GALNTL5: variants seen among roughly 807,000 people sequenced by gnomAD.
GALNTL5 encodes inactive polypeptide N-acetylgalactosaminyltransferase-like protein 5.
Under a neutral mutation model 51.0 loss-of-function variants are expected in GALNTL5, and 44 were observed. The ratio of observed to expected loss-of-function variants is 0.86; its 90% CI spans 0.68 to 1.11. The LOEUF is 1.11. GALNTL5 is among the 50% of genes least tolerant of loss of function. The pLI, the probability that GALNTL5 is intolerant of heterozygous loss-of-function variation, is 0.00. For missense variants in GALNTL5, 528 were observed against 531.8 expected (o/e 0.99, Z 0.07); for synonymous variants, 192 against 182.8 (o/e 1.05, Z -0.41).
intron 4 of GALNTL5, among the ~76,000 whole-genome samples, chr7:151,985,241 C>A (rs1453206442): frequency 3.3e-5 from 5 of 152,174 alleles, no homozygotes; most frequent in Non-Finnish European, 7.3e-5. Flanking sequence ...GCCGTAAGAT[C>A]TGTCAACGTT....
chr7:151,991,598 A>C (rs1159508180), intron 5 of GALNTL5, among the ~76,000 whole-genome samples: 4 of 152,152 alleles, frequency 2.6e-5, no homozygotes, highest in Non-Finnish European at 5.9e-5. Context: ...TTATCATTTT[A>C]TCAAATGTCT....
rs5888458 is a variant in GALNTL5, at chr7:151,962,004, C to CTTTT, written c.-39-5191_-39-5188dup. Among the ~76,000 whole-genome samples, 1,009 of 131,734 alleles carry CTTTT rather than the reference C, an allele frequency of 7.7e-3. 13 individuals are homozygous for CTTTT. Among genetic ancestry groups the CTTTT allele is most frequent in the African/African-American group, 0.026 (934 of 35,334 alleles). 86.4% of individuals were successfully genotyped at this position (131,734 alleles called of 152,430 possible). On this transcript the variant is annotated intron_variant, in intron 1 of 8. Coordinates refer to ENST00000392800, the MANE Select transcript of GALNTL5 (RefSeq NM_145292.4). Reference sequence around the variant, plus strand: ...ATCTGTTTCTTATGATAGTTACCTTCTTTTTTTTTTTTTTTTAATGGAGTC... The same window carrying CTTTT: ...ATCTGTTTCTTATGATAGTTACCTTCTTTTTTTTTTTTTTTTTTTTAATGGAGTC...
chr7:152,006,354 A>G (rs969549722), intron 6 of GALNTL5, among the ~76,000 whole-genome samples: 1 of 152,230 alleles, frequency 6.6e-6, no homozygotes, highest in Non-Finnish European at 1.5e-5. Context: ...TTTAATACGA[A>G]AGAGAGAAAA....
chr7:152,005,604 A>C (rs530632818), intron 6 of GALNTL5, among the ~76,000 whole-genome samples: 1 of 152,250 alleles, frequency 6.6e-6, no homozygotes, highest in South Asian at 2.1e-4. Flanking sequence ...GTCCCTTATG[A>C]GATGGATGGG....
chr7:151,972,105 G>A (rs960935860), intron 3 of GALNTL5, among the ~76,000 whole-genome samples: 6 of 152,200 alleles, frequency 3.9e-5, no homozygotes, highest in Admixed American at 3.3e-4. Context: ...GAATAGTTTG[G>A]AGGTCTCAGA....
chr7:152,009,548 G>C (rs1271993812), intron 7 of GALNTL5, among the ~76,000 whole-genome samples: 1 of 152,198 alleles, frequency 6.6e-6, no homozygotes, highest in Non-Finnish European at 1.5e-5. Flanking sequence ...ATCCTTGTCA[G>C]ACTTTGCTTC....
At chr7:151,982,268 G>T (rs2081302061) in intron 3 of GALNTL5, among the ~76,000 whole-genome samples, 2 of 151,974 alleles carry the variant, frequency 1.3e-5, no homozygotes, top group African/African-American at 4.8e-5. Context: ...TAAAAAATTA[G>T]CCAGGCATGG....
chr7:151,965,805 T>C (rs1291701401), intron 1 of GALNTL5, among the ~76,000 whole-genome samples: 1 of 152,116 alleles, frequency 6.6e-6, no homozygotes, highest in Non-Finnish European at 1.5e-5. Context: ...GAAGATCACT[T>C]GAGCCCAGAA....
In GALNTL5 at chr7:151,979,900, T is replaced by A. The variant is rs150246817; in HGVS notation, c.369-3086T>A. Among the ~76,000 whole-genome samples, 403 of 152,288 alleles carry A rather than the reference T, an allele frequency of 2.6e-3. 3 individuals are homozygous for A. Among genetic ancestry groups the A allele is most frequent in the African/African-American group, 9.1e-3 (380 of 41,562 alleles). On this transcript the variant is annotated intron_variant, in intron 3 of 8. Coordinates refer to ENST00000392800, the MANE Select transcript of GALNTL5 (RefSeq NM_145292.4). Reference sequence around the variant, plus strand: ...CCAACATCAAACTGAAGGGACGCAGTTTATTTCCAGTTTTCTTAAAGTGAT... The same window carrying A: ...CCAACATCAAACTGAAGGGACGCAGATTATTTCCAGTTTTCTTAAAGTGAT...
rs868621385 is a variant in GALNTL5 at position 151,956,834 on chromosome 7, T to C, written c.-40+225T>C. 1.6e-4 allele frequency among the ~76,000 whole-genome samples: 24 copies of C among 152,264 alleles called. 1 individual carries two copies. The highest frequency in any genetic ancestry group is 1.5e-3 in the South Asian group (7 of 4,824). ...GACTGGGCATTGTAATGGCTTTAGT[T>C]CATGAAAAATAGGGAAACTTTTCAT... On this transcript the variant is annotated intron_variant, in intron 1 of 8. Coordinates refer to ENST00000392800, the MANE Select transcript of GALNTL5 (RefSeq NM_145292.4).
chr7:151,977,144 A>G (rs1266136067), intron 3 of GALNTL5, among the ~76,000 whole-genome samples: 1 of 152,158 alleles, frequency 6.6e-6, no homozygotes, highest in Non-Finnish European at 1.5e-5. Context: ...ACTTTACAAT[A>G]TGGCCAATAG....
chr7:151,998,214 ACAT>A (rs1243724338), intron 5 of GALNTL5, among the ~76,000 whole-genome samples: 2 of 152,106 alleles, frequency 1.3e-5, no homozygotes, highest in Non-Finnish European at 2.9e-5. Context: ...CTCTGTAAAA[ACAT>A]CATCATCATC....
At chr7:152,017,694 T>C (rs2081837026) in intron 8 of GALNTL5, among the ~76,000 whole-genome samples, 1 of 152,174 alleles carries the variant, frequency 6.6e-6, no homozygotes, top group South Asian at 2.1e-4. Flanking sequence ...TCTTTCAAAA[T>C]CAGAACATAT....
At chr7:151,992,541 T>G (rs2081440316) in intron 5 of GALNTL5, among the ~76,000 whole-genome samples, 1 of 152,018 alleles carries the variant, frequency 6.6e-6, no homozygotes, top group Non-Finnish European at 1.5e-5. Context: ...TTCACAGGCG[T>G]CCTCCCTGTG....
intron 2 of GALNTL5, among the ~76,000 whole-genome samples, chr7:151,970,179 G>A (rs567633221): frequency 7.1e-6 from 1 of 141,142 alleles, no homozygotes; most frequent in Non-Finnish European, 1.6e-5. Flanking sequence ...ACGCCTGGCC[G>A]CTGGGTGAAA....
chr7:152,016,496 A>G (rs548534072), intron 8 of GALNTL5, among the ~76,000 whole-genome samples: 2 of 152,298 alleles, frequency 1.3e-5, no homozygotes, highest in African/African-American at 4.8e-5. Context: ...GACTTTTACA[A>G]AATTACATCT....
At chr7:151,969,972 AT>A (rs557162369) in intron 2 of GALNTL5, among the ~76,000 whole-genome samples, 20 of 147,548 alleles carry the variant, frequency 1.4e-4, no homozygotes, top group African/African-American at 1.2e-4. Flanking sequence ...ACGCCTGGCT[AT>A]TTTTTTTTTT....
intron 3 of GALNTL5, among the ~76,000 whole-genome samples, chr7:151,979,080 C>A (rs73161839): frequency 6.7e-6 from 1 of 148,890 alleles, no homozygotes; most frequent in Non-Finnish European, 1.5e-5. Context: ...TGAGGACAAC[C>A]AAAGGCCATC....
intron 2 of GALNTL5, among the ~76,000 whole-genome samples, chr7:151,969,278 C>A (rs1292212384): frequency 6.6e-6 from 1 of 152,032 alleles, no homozygotes; most frequent in African/African-American, 2.4e-5. Context: ...TCTATGTTTT[C>A]TTTTGGAAAT....
Sources: allele counts gnomAD v4.1 joint callset (sites outside exome capture counted in the v4.1 genomes callset), GRCh38; gene constraint gnomAD v4.1.1; transcripts MANE v1.5; gene names NCBI Gene and HGNC (gene_info 2026-07-23, HGNC 2026-07-21).